The following PKNOX2 variants were observed in gnomAD, a reference collection of about 807,000 sequenced individuals.
PKNOX2 encodes the protein PBX/knotted 1 homeobox 2.
PKNOX2 carries 14 observed loss-of-function variants against 53.1 expected under a neutral mutation model. That is an observed-to-expected ratio of 0.26 (90% confidence interval 0.17 to 0.41). The LOEUF (loss-of-function observed/expected upper bound fraction) is 0.41. PKNOX2 is among the 10% of genes least tolerant of loss of function. The pLI, the probability that PKNOX2 is intolerant of heterozygous loss-of-function variation, is 1.00. For missense variants in PKNOX2, 496 were observed against 602.8 expected (o/e 0.82, Z 1.85); for synonymous variants, 257 against 242.8 (o/e 1.06, Z -0.54).
chr11:125,428,165 G>C (rs1591570011), intron 10 of PKNOX2, among the ~76,000 whole-genome samples: 2 of 152,162 alleles, frequency 1.3e-5, no homozygotes, highest in South Asian at 4.1e-4. Flanking sequence ...ATGAAGCACA[G>C]TCTGAGAGAG....
intron 12 of PKNOX2, among the ~76,000 whole-genome samples, chr11:125,430,720 G>T (rs1383144471): frequency 6.6e-6 from 1 of 151,618 alleles, no homozygotes; most frequent in Non-Finnish European, 1.5e-5. Context: ...GTTGTGCACA[G>T]GTTCCTTTGT....
chr11:125,198,270 C>T (rs1004386299), intron 1 of PKNOX2, among the ~76,000 whole-genome samples: 3 of 152,278 alleles, frequency 2.0e-5, no homozygotes, highest in African/African-American at 4.8e-5. Context: ...TTTTCTCCCC[C>T]GAAGAAGACA....
chr11:125,416,760 T>C (rs1427464458), intron 10 of PKNOX2, among the ~76,000 whole-genome samples: 1 of 152,044 alleles, frequency 6.6e-6, no homozygotes, highest in Non-Finnish European at 1.5e-5. Context: ...CCACAAACTT[T>C]GCTAAATAGG....
chr11:125,198,785 C>T (rs1041694652), intron 1 of PKNOX2, among the ~76,000 whole-genome samples: 12 of 151,844 alleles, frequency 7.9e-5, no homozygotes, highest in African/African-American at 2.7e-4. Flanking sequence ...CCTCACCTCT[C>T]CCTCACCTCT....
intron 5 of PKNOX2, among the ~76,000 whole-genome samples, chr11:125,379,640 G>A (rs1437600629): frequency 1.3e-5 from 2 of 151,674 alleles, no homozygotes; most frequent in Admixed American, 6.6e-5. Context: ...CAGCCTCTCT[G>A]TTACTAAGAG....
intron 1 of PKNOX2, among the ~76,000 whole-genome samples, chr11:125,193,418 G>GT (rs970531235): frequency 8.5e-5 from 13 of 152,294 alleles, no homozygotes; most frequent in African/African-American, 2.9e-4. Context: ...CAAAGTTGAG[G>GT]TTTTTTACTG....
chr11:125,241,724 G>T (rs373843405), intron 2 of PKNOX2, among the ~76,000 whole-genome samples: 1 of 152,148 alleles, frequency 6.6e-6, no homozygotes, highest in African/African-American at 2.4e-5. Flanking sequence ...GCGTAGTGGC[G>T]CATGCCTGTA....
intron 2 of PKNOX2, among the ~76,000 whole-genome samples, chr11:125,292,728 G>A (rs1307279772): frequency 3.3e-5 from 5 of 152,134 alleles, no homozygotes; most frequent in Admixed American, 1.3e-4. Context: ...GCTGTTTATC[G>A]GGAACGTTGT....
chr11:125,367,968 C>A lies in PKNOX2; in HGVS notation c.210C>A (p.Asp70Glu). 2 of 1,613,234 alleles carry A rather than the reference C, an allele frequency of 1.2e-6. No homozygotes were observed. Among genetic ancestry groups the A allele is most frequent in the East Asian group, 4.5e-5 (2 of 44,784 alleles). Residue 70 changes from aspartate to glutamate, a missense_variant, in exon 5 of 13, where the codon GAC (aspartate) becomes GAA (glutamate). Coordinates refer to ENST00000298282, the MANE Select transcript of PKNOX2 (RefSeq NM_001382323.2). ...PIDPQAQLEA[D>E]KRAVYRHPLF... ...ACCCCCAGGCCCAGCTGGAGGCTGA[C>A]AAGCGAGCTGTATACAGGTAGGAGA...
intron 6 of PKNOX2, among the ~76,000 whole-genome samples, chr11:125,389,446 C>T (rs1419133412): frequency 1.3e-5 from 2 of 152,162 alleles, no homozygotes; most frequent in Non-Finnish European, 2.9e-5. Flanking sequence ...ACGCGGGTGG[C>T]TTTCCACCCT....
intron 2 of PKNOX2, among the ~76,000 whole-genome samples, chr11:125,317,955 C>A (rs59841429): frequency 5.8e-4 from 88 of 152,244 alleles, no homozygotes; most frequent in Non-Finnish European, 1.0e-3. Context: ...TTTACTGTAG[C>A]CTTCATCAGT....
At chr11:125,345,257 T>C (rs1410992005) in intron 3 of PKNOX2, among the ~76,000 whole-genome samples, 1 of 152,166 alleles carries the variant, frequency 6.6e-6, no homozygotes, top group Non-Finnish European at 1.5e-5. Flanking sequence ...TCCAGGAGCA[T>C]CCACTTCTCC....
At chr11:125,391,395 C>T (rs144190263) in intron 6 of PKNOX2, among the ~76,000 whole-genome samples, 1 of 152,286 alleles carries the variant, frequency 6.6e-6, no homozygotes, top group Non-Finnish European at 1.5e-5. Flanking sequence ...GAGAGGCACA[C>T]TGAGAGAGGC....
At chr11:125,359,896 A>G (rs1173508939) in intron 4 of PKNOX2, among the ~76,000 whole-genome samples, 2 of 152,012 alleles carry the variant, frequency 1.3e-5, no homozygotes, top group South Asian at 2.1e-4. Flanking sequence ...TGCTTTTTTT[A>G]TATTTTTAGT....
chr11:125,371,728 G>A (rs998388264), intron 5 of PKNOX2, among the ~76,000 whole-genome samples: 5 of 152,110 alleles, frequency 3.3e-5, no homozygotes, highest in African/African-American at 1.2e-4. Context: ...GATTCTCTCC[G>A]AGAACCAGGG....
chr11:125,368,793 G>T (rs1952340231), intron 5 of PKNOX2, among the ~76,000 whole-genome samples: 1 of 152,168 alleles, frequency 6.6e-6, no homozygotes, highest in Non-Finnish European at 1.5e-5. Flanking sequence ...GGAGGAAGAT[G>T]CTGTCACCTG....
intron 1 of PKNOX2, among the ~76,000 whole-genome samples, chr11:125,198,633 C>T (rs1342960121): frequency 6.6e-6 from 1 of 152,112 alleles, no homozygotes; most frequent in East Asian, 1.9e-4. Flanking sequence ...GAGTTTCCGA[C>T]CTGTGATAAC....
intron 10 of PKNOX2, among the ~76,000 whole-genome samples, chr11:125,420,228 T>A (rs1454910014): frequency 1.2e-4 from 17 of 145,594 alleles, no homozygotes; most frequent in African/African-American, 3.9e-4. Context: ...GTTTTTTATT[T>A]AAAAAAAAAA....
chr11:125,211,264 G>A (rs946956027), intron 1 of PKNOX2, among the ~76,000 whole-genome samples: 1 of 152,056 alleles, frequency 6.6e-6, no homozygotes, highest in Non-Finnish European at 1.5e-5. Flanking sequence ...AGTAGGCAAG[G>A]GTTTCTCAAT....
Sources: gnomAD v4.1 joint callset for allele counts (sites outside exome capture counted in the v4.1 genomes callset) on GRCh38, gnomAD v4.1.1 for gene constraint, MANE v1.5 for transcripts, NCBI Gene and HGNC (gene_info 2026-07-23, HGNC 2026-07-21) for gene names.